Variants in CSMD1 observed in about 807,000 individuals in gnomAD.
CSMD1 encodes CUB and sushi domain-containing protein 1.
Under a neutral mutation model 417.5 loss-of-function variants are expected in CSMD1, and 213 were observed. The ratio of observed to expected loss-of-function variants is 0.51; its 90% CI spans 0.46 to 0.57. The LOEUF (loss-of-function observed/expected upper bound fraction) is 0.57. Among genes scored for constraint, CSMD1 ranks in the 20% least tolerant of loss-of-function variants. The pLI is 0.00. For synonymous variants in CSMD1, 2,862 were observed against 1,736.8 expected (o/e 1.65, Z -16.11); for missense variants, 6,923 against 4,529.7 (o/e 1.53, Z -15.17).
intron 4 of CSMD1, among the ~76,000 whole-genome samples, chr8:4,006,924 T>G (rs1393513459): frequency 7.1e-6 from 1 of 140,968 alleles, no homozygotes; most frequent in African/African-American, 2.7e-5. Flanking sequence ...GCCTCCTGGG[T>G]TCAAGCGATT....
intron 1 of CSMD1, among the ~76,000 whole-genome samples, chr8:4,804,691 T>C (rs2117301498): frequency 6.6e-6 from 1 of 152,296 alleles, no homozygotes; most frequent in East Asian, 1.9e-4. Context: ...ATAAAACCAA[T>C]ATTATGTTCA....
chr8:4,606,597 A>G (rs73659147), intron 2 of CSMD1, among the ~76,000 whole-genome samples: 2,770 of 152,288 alleles, frequency 0.018, 51 homozygotes, highest in African/African-American at 0.054. Context: ...ATGAGGGAGA[A>G]CCACTTGAAA....
intron 57 of CSMD1, among the ~76,000 whole-genome samples, chr8:2,970,697 A>G (rs1198052493): frequency 6.6e-6 from 1 of 152,218 alleles, no homozygotes; most frequent in Admixed American, 6.5e-5. Flanking sequence ...ATCACTACAT[A>G]GAATCAGGTC....
intron 3 of CSMD1, among the ~76,000 whole-genome samples, chr8:4,179,156 C>T (rs1798217222): frequency 6.6e-6 from 1 of 152,158 alleles, no homozygotes; most frequent in East Asian, 1.9e-4. Flanking sequence ...CTGGAGGCAT[C>T]ACACTACCTG....
intron 3 of CSMD1, among the ~76,000 whole-genome samples, chr8:4,073,951 T>G (rs570186159): frequency 6.6e-6 from 1 of 152,144 alleles, no homozygotes; most frequent in Non-Finnish European, 1.5e-5. Flanking sequence ...TTGCTTCTTT[T>G]GATAAATCAC....
chr8:4,674,713 G>A (rs1371009163), intron 1 of CSMD1, among the ~76,000 whole-genome samples: 1 of 152,158 alleles, frequency 6.6e-6, no homozygotes, highest in Non-Finnish European at 1.5e-5. Context: ...GAAGAGAGTA[G>A]TGCAAATACA....
intron 54 of CSMD1, among the ~76,000 whole-genome samples, chr8:2,988,538 G>C (rs976774594): frequency 1.3e-5 from 2 of 152,094 alleles, no homozygotes; most frequent in Non-Finnish European, 2.9e-5. Flanking sequence ...AAGTTTCCAA[G>C]AAAGCTCCTC....
rs2688350 is a variant in CSMD1 at position 3,969,038 on chromosome 8, T to A, written c.818+28865A>T. Among the ~76,000 whole-genome samples the A allele has an allele frequency of 3.3e-5, 5 of 152,094 alleles. No individual in the cohort carries two copies. In the East Asian group the frequency reaches 9.7e-4, roughly 30 times the overall value. On this transcript the variant is annotated intron_variant, in intron 5 of 69. Transcript: ENST00000635120. ...GGCCGAGGCAGGTGGATCACTTGAG[T>A]TCAGGAGTTCGAGACCAGCCTGGAC... is the stretch of plus-strand genomic sequence containing the variant.
At chr8:3,292,589 C>T (rs935453407) in intron 25 of CSMD1, among the ~76,000 whole-genome samples, 2 of 152,160 alleles carry the variant, frequency 1.3e-5, no homozygotes, top group Non-Finnish European at 2.9e-5. Flanking sequence ...TAATGGCCTT[C>T]TTTGTCTCTT....
At chr8:3,318,830 A>C (rs1307813665) in intron 23 of CSMD1, among the ~76,000 whole-genome samples, 2 of 152,204 alleles carry the variant, frequency 1.3e-5, no homozygotes, top group East Asian at 3.9e-4. Flanking sequence ...AAATAAATGC[A>C]GCTGCTTCCA....
At chr8:4,408,805 A>T (rs765689270) in intron 3 of CSMD1, among the ~76,000 whole-genome samples, 1 of 152,202 alleles carries the variant, frequency 6.6e-6, no homozygotes, top group African/African-American at 2.4e-5. Flanking sequence ...AAGAAAAAAA[A>T]TAGCACAATA....
chr8:3,494,117 A>T (rs538016879), intron 10 of CSMD1, among the ~76,000 whole-genome samples: 1 of 152,358 alleles, frequency 6.6e-6, no homozygotes, highest in South Asian at 2.1e-4. Flanking sequence ...ATGCTCTGCA[A>T]TAAATATTTT....
At chr8:4,966,480 A>G (rs1054898512) in intron 1 of CSMD1, among the ~76,000 whole-genome samples, 6 of 152,118 alleles carry the variant, frequency 3.9e-5, no homozygotes, top group Non-Finnish European at 5.9e-5. Flanking sequence ...CCAGATCTCA[A>G]TGGGACACAT....
chr8:3,942,224 A>T (rs867951897), intron 5 of CSMD1, among the ~76,000 whole-genome samples: 3 of 151,984 alleles, frequency 2.0e-5, no homozygotes, highest in Admixed American at 6.6e-5. Flanking sequence ...TATTTTCATC[A>T]TATATTACTG....
At chr8:4,144,706 G>A (rs991894954) in intron 3 of CSMD1, among the ~76,000 whole-genome samples, 1 of 151,084 alleles carries the variant, frequency 6.6e-6, no homozygotes, top group South Asian at 2.1e-4. Flanking sequence ...TCGGCAAAGA[G>A]TGGAGATTTC....
At chr8:4,647,384 G>A (rs140154604) in intron 1 of CSMD1, among the ~76,000 whole-genome samples, 2 of 151,012 alleles carry the variant, frequency 1.3e-5, no homozygotes, top group African/African-American at 2.4e-5. Flanking sequence ...AGGTACGCGT[G>A]TGCCACGGAG....
At chr8:3,921,901 C>G (rs1205515773) in intron 5 of CSMD1, among the ~76,000 whole-genome samples, 2 of 152,114 alleles carry the variant, frequency 1.3e-5, no homozygotes, top group African/African-American at 2.4e-5. Context: ...TTAGGTCCAT[C>G]TGGTCCATAC....
chr8:2,997,798 G>T (rs1238857362), intron 54 of CSMD1, among the ~76,000 whole-genome samples: 1 of 152,190 alleles, frequency 6.6e-6, no homozygotes, highest in African/African-American at 2.4e-5. Context: ...GATAATTCTA[G>T]ATTTTCGTAA....
intron 33 of CSMD1, among the ~76,000 whole-genome samples, chr8:3,197,393 G>C (rs1282430554): frequency 1.3e-5 from 2 of 149,992 alleles, no homozygotes; most frequent in Non-Finnish European, 3.0e-5. Context: ...ATTTGTTTAT[G>C]AATGAATGAA....
Sources: gnomAD v4.1 joint callset for allele counts (sites outside exome capture counted in the v4.1 genomes callset) on GRCh38, gnomAD v4.1.1 for gene constraint, MANE v1.5 for transcripts, NCBI Gene and HGNC (gene_info 2026-07-23, HGNC 2026-07-21) for gene names.